The following NDUFAF6 variants were observed in gnomAD, a reference collection of about 807,000 sequenced individuals.
NDUFAF6 encodes the protein NADH:ubiquinone oxidoreductase complex assembly factor 6.
Under a neutral mutation model 40.8 loss-of-function variants are expected in NDUFAF6, and 45 were observed. The observed-to-expected ratio is 1.10, with a 90% CI of 0.87 to 1.42. The LOEUF is 1.42. Ranked by LOEUF, NDUFAF6 falls within the 40% of genes most tolerant of loss-of-function variation. The pLI is 0.00. For missense variants in NDUFAF6, 435 were observed against 418.5 expected, an observed-to-expected ratio of 1.04 and a Z score of -0.34; for synonymous variants, 185 against 155.9, an observed-to-expected ratio of 1.19 and a Z score of -1.39.
intron 1 of NDUFAF6, among the ~76,000 whole-genome samples, chr8:94,972,101 A>G (rs753750179): frequency 1.3e-5 from 2 of 152,366 alleles, no homozygotes; most frequent in Non-Finnish European, 2.9e-5. Flanking sequence ...CTAAATCAGA[A>G]AAACAAAGAT....
At chr8:95,081,090 G>A (rs969245539), downstream of NDUFAF6, among the ~76,000 whole-genome samples, 1 of 143,650 alleles carries the variant, frequency 7.0e-6, no homozygotes, top group East Asian at 2.2e-4. Flanking sequence ...GTGAACAAAA[G>A]TCAGCACAGG....
intron 2 of NDUFAF6, among the ~76,000 whole-genome samples, chr8:95,007,020 T>A (rs1827020584): frequency 6.6e-6 from 1 of 151,464 alleles, no homozygotes; most frequent in African/African-American, 2.4e-5. Flanking sequence ...ATACGTTGAA[T>A]TTTCATTGCA....
chr8:94,979,158 C>G (rs1825206259), intron 1 of NDUFAF6, among the ~76,000 whole-genome samples: 1 of 152,100 alleles, frequency 6.6e-6, no homozygotes, highest in African/African-American at 2.4e-5. Flanking sequence ...TTTTCAGATC[C>G]TCATCATTCT....
chr8:95,021,925 A>G (rs2678824), upstream of NDUFAF6, among the ~76,000 whole-genome samples: 151,444 of 152,334 alleles, frequency 0.99, 75,285 homozygotes, highest in East Asian at 1. Context: ...GTGAGACTGA[A>G]CTCTGAACCT....
At chr8:95,040,102 T>C (rs1438998265) in intron 3 of NDUFAF6, among the ~76,000 whole-genome samples, 1 of 152,238 alleles carries the variant, frequency 6.6e-6, no homozygotes, top group Non-Finnish European at 1.5e-5. Context: ...CTGTAGTTTG[T>C]TTTAATCTGG....
At chr8:95,007,984 A>G (rs991161081) in intron 2 of NDUFAF6, among the ~76,000 whole-genome samples, 1 of 152,012 alleles carries the variant, frequency 6.6e-6, no homozygotes, top group Non-Finnish European at 1.5e-5. Flanking sequence ...TTGGCCTCTC[A>G]AAATGCTGGG....
chr8:95,036,150 G>C (rs994753588), intron 3 of NDUFAF6, among the ~76,000 whole-genome samples: 1 of 152,182 alleles, frequency 6.6e-6, no homozygotes, highest in Non-Finnish European at 1.5e-5. Flanking sequence ...TGTATAGCTA[G>C]ATATATACCA....
Position 94,959,751 on chromosome 8 carries a change from G to A in NDUFAF6, c.-199+1572G>A, listed in dbSNP as rs1170770326. Among the ~76,000 whole-genome samples the A allele has an allele frequency of 2.6e-5, 4 of 152,002 alleles. No homozygotes were observed. In the South Asian group the frequency reaches 8.3e-4, roughly 32 times the overall value. On this transcript the variant is annotated intron_variant, in intron 1 of 9. Coordinates refer to the NDUFAF6 transcript ENST00000396111. Reference sequence around the variant, plus strand: ...GATGAGATCCCACTATGTTGCTCAGGCTGGTCTCGAATTCCTGGGCTCAAG... The same window carrying A: ...GATGAGATCCCACTATGTTGCTCAGACTGGTCTCGAATTCCTGGGCTCAAG...
At chr8:95,013,544 C>T (rs1384010031) in intron 2 of NDUFAF6, among the ~76,000 whole-genome samples, 1 of 152,212 alleles carries the variant, frequency 6.6e-6, no homozygotes, top group East Asian at 1.9e-4. Flanking sequence ...TAAAATCAGA[C>T]AGCCTATTTC....
intron 1 of NDUFAF6, among the ~76,000 whole-genome samples, chr8:95,031,149 C>T (rs1332088322): frequency 6.6e-6 from 1 of 152,156 alleles, no homozygotes; most frequent in Non-Finnish European, 1.5e-5. Flanking sequence ...GATATCAGAG[C>T]CCTAGTTTCT....
chr8:95,063,000 C>T (rs905562789), downstream of NDUFAF6, among the ~76,000 whole-genome samples: 3 of 152,018 alleles, frequency 2.0e-5, no homozygotes, highest in Non-Finnish European at 2.9e-5. Context: ...ACACATGGGA[C>T]GTTCAAGAAA....
Position 94,938,839 on chromosome 8 carries a change from G to A in NDUFAF6, c.-935-6644G>A, listed in dbSNP as rs184430850. ...TAGCAAATTAATCAAACCCAAGGAA[G>A]GGGTCGTGGGAACACCAGTTTACAG... On this transcript the variant is annotated intron_variant, in intron 1 of 14. Transcript: ENST00000396113. Among the ~76,000 whole-genome samples, 5 of 152,324 alleles carry A rather than the reference G, an allele frequency of 3.3e-5. No homozygotes were observed. The East Asian group carries it at 5.8e-4, about 18-fold the overall frequency.
chr8:94,971,377 C>A (rs556834636), intron 1 of NDUFAF6, among the ~76,000 whole-genome samples: 12 of 152,322 alleles, frequency 7.9e-5, no homozygotes, highest in South Asian at 6.2e-4. Context: ...TGCCTAACTT[C>A]CTGCTATAAG....
intron 2 of NDUFAF6, among the ~76,000 whole-genome samples, chr8:94,946,696 C>CAAAAAAACA (rs1822029366): frequency 2.9e-5 from 1 of 34,688 alleles, no homozygotes; most frequent in African/African-American, 9.5e-5. Context: ...GACCCTGTCT[C>CAAAAAAACA]AAAAAAAAAA....
intron 1 of NDUFAF6, among the ~76,000 whole-genome samples, chr8:94,964,257 A>G (rs1038214010): frequency 6.6e-6 from 1 of 152,074 alleles, no homozygotes; most frequent in Non-Finnish European, 1.5e-5. Context: ...GGGAGACCCC[A>G]TCTCTACAAA....
chr8:95,015,870 G>A (rs1239108662), intron 2 of NDUFAF6, among the ~76,000 whole-genome samples: 1 of 152,190 alleles, frequency 6.6e-6, no homozygotes, highest in East Asian at 1.9e-4. Flanking sequence ...CATTTAAGAA[G>A]AGTGCTAAGG....
chr8:95,039,902 T>TA (rs1373938466), intron 3 of NDUFAF6, among the ~76,000 whole-genome samples: 1 of 152,244 alleles, frequency 6.6e-6, no homozygotes, highest in East Asian at 1.9e-4. Context: ...GTGCTGGGAT[T>TA]ATAGGCGTGA....
At chr8:95,036,469 T>C (rs764596789) in intron 3 of NDUFAF6, 1 of 1,289,336 alleles carries the variant, frequency 7.8e-7, no homozygotes, top group Non-Finnish European at 1.0e-6. Context: ...AACTGGGGAT[T>C]GAGAAGAAAA....
intron 1 of NDUFAF6, among the ~76,000 whole-genome samples, chr8:94,919,253 C>T (rs1819337055): frequency 1.3e-5 from 2 of 152,132 alleles, no homozygotes; most frequent in Non-Finnish European, 2.9e-5. Flanking sequence ...ACAATCACAG[C>T]TCACTTCAGC....
Sources: allele counts gnomAD v4.1 joint callset (sites outside exome capture counted in the v4.1 genomes callset), GRCh38; gene constraint gnomAD v4.1.1; transcripts MANE v1.5; gene names NCBI Gene and HGNC (gene_info 2026-07-23, HGNC 2026-07-21).